NREP: variants seen among roughly 807,000 people sequenced by gnomAD.
NREP encodes neuronal regeneration related protein, also known as neuronal regeneration-related protein.
NREP carries 5 observed loss-of-function variants against 8.6 expected under a neutral mutation model. The observed-to-expected ratio is 0.58, with a 90% CI of 0.30 to 1.22. The LOEUF (loss-of-function observed/expected upper bound fraction) is 1.22. NREP is among the 50% of genes most tolerant of loss of function. The pLI is 0.07. For missense variants in NREP, 86 were observed against 82.5 expected, an observed-to-expected ratio of 1.04 and a Z score of -0.17; for synonymous variants, 27 against 28.0, an observed-to-expected ratio of 0.96 and a Z score of 0.11.
At chr5:111,836,939 A>C (rs1752910105) in intron 2 of NREP, among the ~76,000 whole-genome samples, 2 of 152,228 alleles carry the variant, frequency 1.3e-5, no homozygotes, top group South Asian at 4.1e-4. Flanking sequence ...AGTCTGTATC[A>C]TCTTGGGGAA....
intron 2 of NREP, among the ~76,000 whole-genome samples, chr5:111,881,413 C>A (rs1247741891): frequency 1.3e-5 from 2 of 152,178 alleles, no homozygotes; most frequent in Non-Finnish European, 2.9e-5. Context: ...CACAGACAAA[C>A]AAAAAGACAG....
chr5:111,914,721 G>A (rs1185401497), intron 2 of NREP, among the ~76,000 whole-genome samples: 4 of 152,058 alleles, frequency 2.6e-5, no homozygotes, highest in African/African-American at 4.8e-5. Context: ...TAATGTTTGT[G>A]ACGCTGAGCA....
intron 2 of NREP, among the ~76,000 whole-genome samples, chr5:111,891,219 A>G (rs1243124227): frequency 6.6e-6 from 1 of 152,248 alleles, no homozygotes; most frequent in Non-Finnish European, 1.5e-5. Flanking sequence ...TTCTACAAAT[A>G]TCTAGGGCAG....
intron 1 of NREP, chr5:111,756,178 A>G: frequency 9.7e-7 from 1 of 1,035,850 alleles, no homozygotes; most frequent in South Asian, 3.8e-5. Flanking sequence ...CAGACATACT[A>G]CTGGCAGTAT....
intron 2 of NREP, among the ~76,000 whole-genome samples, chr5:111,828,401 G>A (rs1051339180): frequency 6.6e-6 from 1 of 152,002 alleles, no homozygotes. Flanking sequence ...AGTATGGAGG[G>A]GATGTGCTAC....
chr5:111,765,611 G>T (rs558446254), intron 2 of NREP, among the ~76,000 whole-genome samples: 83 of 152,342 alleles, frequency 5.4e-4, no homozygotes, highest in Non-Finnish European at 9.8e-4. Flanking sequence ...GCGGAGCTGG[G>T]ATGTGAACCC....
intron 2 of NREP, among the ~76,000 whole-genome samples, chr5:111,881,531 G>T (rs1214257349): frequency 6.6e-6 from 1 of 152,158 alleles, no homozygotes; most frequent in African/African-American, 2.4e-5. Context: ...GCCTCCTCAA[G>T]TGGGTCCCTG....
At chr5:111,942,058 T>C (rs1479762018) in intron 2 of NREP, among the ~76,000 whole-genome samples, 1 of 152,054 alleles carries the variant, frequency 6.6e-6, no homozygotes, top group Non-Finnish European at 1.5e-5. Flanking sequence ...AGAGTACTTG[T>C]CTCAAAGATC....
chr5:111,894,675 C>G (rs973133463), intron 2 of NREP, among the ~76,000 whole-genome samples: 1 of 152,210 alleles, frequency 6.6e-6, no homozygotes, highest in Non-Finnish European at 1.5e-5. Context: ...CAGCTCTTTA[C>G]TGTACCTATG....
chr5:111,868,589 A>G (rs1561701001), intron 2 of NREP, among the ~76,000 whole-genome samples: 1 of 152,208 alleles, frequency 6.6e-6, no homozygotes, highest in African/African-American at 2.4e-5. Flanking sequence ...ATTGATAACA[A>G]TGAGGTGAAG....
At chr5:111,776,690 A>T (rs1751369267) in intron 2 of NREP, among the ~76,000 whole-genome samples, 1 of 152,178 alleles carries the variant, frequency 6.6e-6, no homozygotes, top group Non-Finnish European at 1.5e-5. Flanking sequence ...TCACTCTGAC[A>T]TGTTGAAGGA....
intron 2 of NREP, among the ~76,000 whole-genome samples, chr5:111,797,062 AAGAT>A (rs58573941): frequency 0.17 from 25,444 of 147,300 alleles, 2,285 homozygotes; most frequent in Non-Finnish European, 0.19. Context: ...AGTGTCTACT[AAGAT>A]AGATAGATAG....
In NREP at chr5:111,755,803, T is replaced by G. The variant is rs1355677267; in HGVS notation, c.-31A>C. 1 of 1,613,726 alleles carries G rather than the reference T, an allele frequency of 6.2e-7. No individual in the cohort carries two copies. Among genetic ancestry groups the G allele is most frequent in the Admixed American group, 1.7e-5 (1 of 60,010 alleles). ...GAATCTTAGTCTTGGGCTTCTATTC[T>G]CCCTCTCTTCAGTCCAGGGAGACCA... is the stretch of plus-strand genomic sequence containing the variant. On this transcript the variant is annotated 5_prime_UTR_variant, in exon 2 of 4. Transcript: ENST00000257435.
At chr5:111,915,338 C>A (rs1160797300) in intron 2 of NREP, among the ~76,000 whole-genome samples, 1 of 147,296 alleles carries the variant, frequency 6.8e-6, no homozygotes, top group Non-Finnish European at 1.5e-5. Flanking sequence ...AATGCTTCCT[C>A]TATTTCTTTA....
intron 2 of NREP, among the ~76,000 whole-genome samples, chr5:111,885,505 C>T (rs1754218337): frequency 6.6e-6 from 1 of 152,124 alleles, no homozygotes; most frequent in Non-Finnish European, 1.5e-5. Flanking sequence ...CAAAAAAGAG[C>T]CTGCATCACC....
At chr5:111,855,755 T>C (rs563433962) in intron 2 of NREP, among the ~76,000 whole-genome samples, 56 of 152,122 alleles carry the variant, frequency 3.7e-4, no homozygotes, top group Non-Finnish European at 5.4e-4. Context: ...TGATCCCACA[T>C]GCAAAGCCAC....
chr5:111,774,853 C>A (rs1751319958), intron 2 of NREP, among the ~76,000 whole-genome samples: 1 of 152,204 alleles, frequency 6.6e-6, no homozygotes, highest in African/African-American at 2.4e-5. Context: ...GACTTCTAAT[C>A]TGCAGATTTA....
intron 2 of NREP, among the ~76,000 whole-genome samples, chr5:111,868,023 T>A (rs1484510884): frequency 6.6e-6 from 1 of 151,964 alleles, no homozygotes; most frequent in Non-Finnish European, 1.5e-5. Context: ...GTTGGTCTTA[T>A]AAAGTTCAAG....
At chr5:111,814,513 T>G (rs965021884) in intron 2 of NREP, among the ~76,000 whole-genome samples, 12 of 152,098 alleles carry the variant, frequency 7.9e-5, no homozygotes, top group Non-Finnish European at 1.6e-4. Flanking sequence ...GCCCCTCTTT[T>G]GAGAAACAGT....
Sources: allele counts gnomAD v4.1 joint callset (sites outside exome capture counted in the v4.1 genomes callset), GRCh38; gene constraint gnomAD v4.1.1; transcripts MANE v1.5; gene names NCBI Gene and HGNC (gene_info 2026-07-23, HGNC 2026-07-21).